LAMA2: variants seen among roughly 807,000 people sequenced by gnomAD.
LAMA2 encodes laminin subunit alpha 2, also known as laminin subunit alpha-2.
A neutral mutation model predicts 364.8 loss-of-function variants in LAMA2; 269 were observed. That is an observed-to-expected ratio of 0.74 (90% CI 0.67 to 0.82). The LOEUF (loss-of-function observed/expected upper bound fraction) is 0.82. Among genes scored for constraint, LAMA2 ranks in the 40% least tolerant of loss-of-function variants. The probability of loss-of-function intolerance (pLI) is 0.00; values close to 1 mark genes in which losing one functional copy is unlikely to be tolerated. For missense variants in LAMA2, 3,807 were observed against 3,873.2 expected (o/e 0.98, Z 0.45); for synonymous variants, 1,379 against 1,370.6 (o/e 1.01, Z -0.14).
intron 1 of LAMA2, among the ~76,000 whole-genome samples, chr6:129,026,601 C>A (rs115422151): frequency 6.6e-6 from 1 of 152,110 alleles, no homozygotes; most frequent in South Asian, 2.1e-4. Context: ...CAAATAACTT[C>A]ATTCATGTAA....
chr6:129,490,029 A>AAAT (rs1416986111), intron 56 of LAMA2, among the ~76,000 whole-genome samples: 4 of 152,222 alleles, frequency 2.6e-5, no homozygotes, highest in Admixed American at 6.5e-5. Context: ...GCTGTTAAAT[A>AAAT]AATACTTTTT....
chr6:129,122,595 G>C (rs780326209), intron 4 of LAMA2, among the ~76,000 whole-genome samples: 1 of 152,098 alleles, frequency 6.6e-6, no homozygotes, highest in Admixed American at 6.6e-5. Context: ...TTACATGAAC[G>C]TTTATTCCTT....
At chr6:129,007,053 T>C (rs1333207953) in intron 1 of LAMA2, among the ~76,000 whole-genome samples, 2 of 152,180 alleles carry the variant, frequency 1.3e-5, no homozygotes, top group African/African-American at 4.8e-5. Context: ...TTATTTATCA[T>C]ACAGTGTTTC....
chr6:129,514,967 T>C (rs998455662), intron 64 of LAMA2, among the ~76,000 whole-genome samples: 4 of 152,148 alleles, frequency 2.6e-5, no homozygotes, highest in South Asian at 2.1e-4. Context: ...TAAAATGTTA[T>C]GGAACTTATT....
chr6:129,222,018 TA>T (rs1783888084), intron 12 of LAMA2, among the ~76,000 whole-genome samples: 1 of 152,170 alleles, frequency 6.6e-6, no homozygotes, highest in African/African-American at 2.4e-5. Flanking sequence ...ATTATCTTTT[TA>T]AAAATGTAAG....
intron 19 of LAMA2, among the ~76,000 whole-genome samples, chr6:129,289,463 C>T (rs1356426746): frequency 6.6e-6 from 1 of 152,110 alleles, no homozygotes; most frequent in East Asian, 1.9e-4. Flanking sequence ...CACATGGTAG[C>T]TGTCTTTGGT....
intron 22 of LAMA2, among the ~76,000 whole-genome samples, chr6:129,306,555 T>C (rs982938660): frequency 5.9e-5 from 9 of 151,864 alleles, no homozygotes; most frequent in East Asian, 3.9e-4. Flanking sequence ...AATATTTTTT[T>C]GTTCTTCATT....
intron 22 of LAMA2, among the ~76,000 whole-genome samples, chr6:129,303,858 G>C (rs1184968041): frequency 6.6e-6 from 1 of 152,214 alleles, no homozygotes; most frequent in African/African-American, 2.4e-5. Context: ...AGAAATATTG[G>C]TATGAACTTA....
chr6:128,953,712 A>T (rs538189709), intron 1 of LAMA2, among the ~76,000 whole-genome samples: 2 of 151,936 alleles, frequency 1.3e-5, no homozygotes, highest in Non-Finnish European at 2.9e-5. Context: ...TCAATATATT[A>T]TAATAAAATT....
chr6:128,936,045 C>G (rs1408579690), intron 1 of LAMA2, among the ~76,000 whole-genome samples: 2 of 152,162 alleles, frequency 1.3e-5, no homozygotes, highest in Admixed American at 1.3e-4. Context: ...GGGGCTCTTC[C>G]CCCTTCGCTT....
intron 1 of LAMA2, among the ~76,000 whole-genome samples, chr6:129,014,369 G>A (rs1027626496): frequency 6.6e-6 from 1 of 152,064 alleles, no homozygotes; most frequent in African/African-American, 2.4e-5. Context: ...TCAGTTGACA[G>A]GTCTAATTTT....
chr6:129,516,138 T>C, intron 64 of LAMA2, 52 bp from the exon 65 acceptor site: 1 of 1,588,712 alleles, frequency 6.3e-7, no homozygotes, highest in Non-Finnish European at 8.6e-7. Flanking sequence ...ATGCTCTTAA[T>C]ATTTGGTGCA....
rs183940671 is a variant in LAMA2 at position 128,931,243 on chromosome 6, A to G, written c.112+47886A>G. 5.7e-3 allele frequency among the ~76,000 whole-genome samples: 862 copies of G among 152,340 alleles called. 25 individuals are homozygous for G. The highest frequency in any genetic ancestry group is 2.1e-3 in the Non-Finnish European group (144 of 68,038). ...AAAGTTCTGTGAAATTGTTTAAAAA[A>G]TAACTAAATAAATGAATTCCCAAAT... On this transcript the variant is annotated intron_variant, in intron 1 of 64. Coordinates refer to ENST00000421865, the MANE Select transcript of LAMA2 (RefSeq NM_000426.4).
intron 14 of LAMA2, among the ~76,000 whole-genome samples, chr6:129,255,773 T>G (rs146165674): frequency 1.1e-3 from 170 of 152,206 alleles, no homozygotes; most frequent in Admixed American, 2.7e-3. Flanking sequence ...ATCATAGAAA[T>G]AGTATTGATA....
intron 41 of LAMA2, among the ~76,000 whole-genome samples, chr6:129,435,048 G>A (rs933290602): frequency 3.3e-5 from 5 of 151,958 alleles, no homozygotes; most frequent in African/African-American, 1.2e-4. Flanking sequence ...GAACTTGAGA[G>A]GCAGCAGTAA....
At chr6:129,045,182 G>A (rs773103982) in intron 1 of LAMA2, among the ~76,000 whole-genome samples, 4 of 152,014 alleles carry the variant, frequency 2.6e-5, no homozygotes, top group Non-Finnish European at 5.9e-5. Context: ...CATAAAACAA[G>A]GCAATTAAAT....
At chr6:129,228,443 G>C (rs901580783) in intron 12 of LAMA2, among the ~76,000 whole-genome samples, 4 of 152,136 alleles carry the variant, frequency 2.6e-5, no homozygotes, top group South Asian at 2.1e-4. Context: ...CTGTAGACTG[G>C]AGCTGTTCCT....
chr6:129,147,197 A>T (rs1778511991), intron 6 of LAMA2, 149 bp downstream of exon 6: 2 of 694,860 alleles, frequency 2.9e-6, no homozygotes, highest in Middle Eastern at 5.5e-4. Flanking sequence ...GTGAAATAAG[A>T]GCTGGCAGTT....
At chr6:129,251,201 A>G (rs1786214397) in intron 13 of LAMA2, among the ~76,000 whole-genome samples, 1 of 151,524 alleles carries the variant, frequency 6.6e-6, no homozygotes, top group African/African-American at 2.4e-5. Context: ...ATGTGAATGA[A>G]CTAAGACAAG....
Sources: allele counts gnomAD v4.1 joint callset (sites outside exome capture counted in the v4.1 genomes callset), GRCh38; gene constraint gnomAD v4.1.1; transcripts MANE v1.5; gene names NCBI Gene and HGNC (gene_info 2026-07-23, HGNC 2026-07-21).